Variants in SORCS1 observed in about 807,000 individuals in gnomAD.
The protein encoded by SORCS1 is sortilin related VPS10 domain containing receptor 1, also known as VPS10 domain-containing receptor SorCS1.
In SORCS1, 60 loss-of-function variants were observed where a neutral mutation model predicts 146.1. That is an observed-to-expected ratio of 0.41 (90% confidence interval 0.33 to 0.51). SORCS1 has a LOEUF of 0.51. SORCS1 is among the 20% of genes least tolerant of loss of function. SORCS1 has a pLI of 0.21. For missense variants in SORCS1, 1,352 were observed against 1,487.6 expected (o/e 0.91, Z 1.50); for synonymous variants, 637 against 584.0 (o/e 1.09, Z -1.31).
intron 5 of SORCS1, 70 bp from the exon 6 acceptor site, chr10:106,730,184 G>A: frequency 6.9e-7 from 1 of 1,446,710 alleles, no homozygotes; most frequent in Non-Finnish European, 9.7e-7. Context: ...GTGGAACTCG[G>A]CAGAGCCCCC....
chr10:106,977,623 ATTTTG>A (rs1306206540), intron 1 of SORCS1, among the ~76,000 whole-genome samples: 3 of 143,120 alleles, frequency 2.1e-5, no homozygotes, highest in Admixed American at 6.9e-5. Context: ...TTCCCGCTGA[ATTTTG>A]TTTTGTTTTT....
intron 2 of SORCS1, among the ~76,000 whole-genome samples, chr10:106,945,628 A>G (rs1564838896): frequency 6.6e-6 from 1 of 152,202 alleles, no homozygotes; most frequent in Non-Finnish European, 1.5e-5. Flanking sequence ...ACCAGGTTTG[A>G]TATCAGAATG....
At chr10:106,774,064 T>A (rs1257801740) in intron 4 of SORCS1, among the ~76,000 whole-genome samples, 1 of 152,184 alleles carries the variant, frequency 6.6e-6, no homozygotes, top group Non-Finnish European at 1.5e-5. Flanking sequence ...TGTGTTAACC[T>A]CTTAGATATT....
At chr10:106,728,039 C>CTT (rs35537769) in intron 6 of SORCS1, among the ~76,000 whole-genome samples, 19 of 149,060 alleles carry the variant, frequency 1.3e-4, no homozygotes, top group South Asian at 6.4e-4. Context: ...GTAAGCAAGA[C>CTT]TTTTTTTTTT....
intron 4 of SORCS1, among the ~76,000 whole-genome samples, chr10:106,773,634 A>G (rs1860195064): frequency 6.6e-6 from 1 of 152,128 alleles, no homozygotes; most frequent in Middle Eastern, 3.2e-3. Flanking sequence ...CCATCTGTTC[A>G]TCTCAAAATA....
chr10:106,749,417 C>T (rs748774975), intron 5 of SORCS1, among the ~76,000 whole-genome samples: 4 of 152,186 alleles, frequency 2.6e-5, no homozygotes, highest in Non-Finnish European at 5.9e-5. Flanking sequence ...AATATCCTTC[C>T]ATATGCTTCC....
At chr10:106,603,270 C>T (rs951047444) in intron 23 of SORCS1, among the ~76,000 whole-genome samples, 7 of 152,142 alleles carry the variant, frequency 4.6e-5, no homozygotes, top group Non-Finnish European at 1.0e-4. Flanking sequence ...CAGCTGGCCT[C>T]AGGACAGCAG....
chr10:107,101,091 C>G (rs1964892210), intron 1 of SORCS1, among the ~76,000 whole-genome samples: 1 of 152,086 alleles, frequency 6.6e-6, no homozygotes, highest in Admixed American at 6.5e-5. Context: ...CCAAGTTTCA[C>G]TCTCATTGCC....
chr10:106,836,275 T>C (rs945294144), intron 2 of SORCS1, among the ~76,000 whole-genome samples: 2 of 151,612 alleles, frequency 1.3e-5, no homozygotes, highest in African/African-American at 4.8e-5. Context: ...GAGATCGAGA[T>C]CATCCTGGCT....
chr10:106,769,770 T>C (rs1859867565), intron 4 of SORCS1, among the ~76,000 whole-genome samples: 1 of 152,228 alleles, frequency 6.6e-6, no homozygotes, highest in Non-Finnish European at 1.5e-5. Flanking sequence ...AAAGTCAGCC[T>C]TCATTTCTGA....
intron 2 of SORCS1, among the ~76,000 whole-genome samples, chr10:106,940,513 T>C (rs1388392214): frequency 6.6e-6 from 1 of 152,308 alleles, no homozygotes; most frequent in Non-Finnish European, 1.5e-5. Context: ...AGGAAAAATA[T>C]GTAAAACAGA....
intron 3 of SORCS1, among the ~76,000 whole-genome samples, chr10:106,801,674 C>A (rs183029416): frequency 2.6e-5 from 4 of 151,860 alleles, no homozygotes; most frequent in African/African-American, 4.8e-5. Context: ...GGACTACAGG[C>A]GCCCGCCACC....
intron 1 of SORCS1, among the ~76,000 whole-genome samples, chr10:107,117,396 T>C (rs73385428): frequency 0.028 from 4,268 of 152,298 alleles, 204 homozygotes; most frequent in African/African-American, 0.096. Flanking sequence ...GACTGCTTTC[T>C]CAGGTTCAAA....
intron 24 of SORCS1, among the ~76,000 whole-genome samples, chr10:106,591,239 G>T (rs1043189440): frequency 1.3e-5 from 2 of 152,214 alleles, no homozygotes; most frequent in South Asian, 2.1e-4. Context: ...TTCTCTCTCA[G>T]ATCTCTCTTT....
chr10:107,032,982 A>G (rs1958730788), intron 1 of SORCS1, among the ~76,000 whole-genome samples: 1 of 152,154 alleles, frequency 6.6e-6, no homozygotes, highest in African/African-American at 2.4e-5. Context: ...AAAGGACGGC[A>G]TATGTATTTA....
intron 1 of SORCS1, among the ~76,000 whole-genome samples, chr10:107,065,290 C>A (rs1033054459): frequency 3.9e-5 from 6 of 152,024 alleles, no homozygotes; most frequent in Non-Finnish European, 7.4e-5. Context: ...CACTCGGTAT[C>A]CCTAACTAAT....
rs545683969 is a variant in SORCS1 at position 107,133,341 on chromosome 10, T to C, written c.558+30628A>G. Among the ~76,000 whole-genome samples the C allele has an allele frequency of 3.3e-5, 5 of 152,146 alleles. No individual in the cohort carries two copies. In the South Asian group the frequency reaches 1.0e-3, roughly 32 times the overall value. On this transcript the variant is annotated intron_variant, in intron 1 of 25. Transcript: ENST00000263054. ...TGAGCTAATCTTTTGATTGATATTA[T>C]AGGGAGGGGGCTCAAGACAACTGCA...
intron 3 of SORCS1, among the ~76,000 whole-genome samples, chr10:106,804,790 C>G (rs1947081877): frequency 2.0e-5 from 3 of 152,028 alleles, no homozygotes; most frequent in African/African-American, 7.2e-5. Flanking sequence ...ACCCCTGGTA[C>G]AGAAGCGTAC....
At chr10:106,621,208 C>T (rs1032628189) in intron 19 of SORCS1, among the ~76,000 whole-genome samples, 1 of 152,106 alleles carries the variant, frequency 6.6e-6, no homozygotes, top group Non-Finnish European at 1.5e-5. Context: ...ATTTTATCTA[C>T]AGAGGCCTAT....
Sources: gnomAD v4.1 joint callset for allele counts (sites outside exome capture counted in the v4.1 genomes callset) on GRCh38, gnomAD v4.1.1 for gene constraint, MANE v1.5 for transcripts, NCBI Gene and HGNC (gene_info 2026-07-23, HGNC 2026-07-21) for gene names.